UBE3C: variants seen among roughly 807,000 people sequenced by gnomAD.
The protein encoded by UBE3C is ubiquitin protein ligase E3C, also known as ubiquitin-protein ligase E3C.
UBE3C carries 42 observed loss-of-function variants against 129.4 expected under a neutral mutation model. That is an observed-to-expected ratio of 0.32 (90% CI 0.25 to 0.42). The LOEUF is 0.42. Ranked by LOEUF, UBE3C falls within the 10% of genes least tolerant of loss-of-function variation. The probability of loss-of-function intolerance (pLI) is 1.00; values close to 1 mark genes in which losing one functional copy is unlikely to be tolerated. For synonymous variants in UBE3C, 510 were observed against 492.4 expected (o/e 1.04, Z -0.47); for missense variants, 1,049 against 1,319.1 (o/e 0.80, Z 3.17).
At chr7:157,225,218 T>G (rs1182364) in intron 16 of UBE3C, among the ~76,000 whole-genome samples, 189 bp from the exon 17 acceptor site, 1 of 151,932 alleles carries the variant, frequency 6.6e-6, no homozygotes, top group African/African-American at 2.4e-5. Context: ...TTTAGAAATA[T>G]TTAAATATGA....
intron 1 of UBE3C, among the ~76,000 whole-genome samples, chr7:157,162,918 A>G (rs908188367): frequency 1.3e-5 from 2 of 152,082 alleles, no homozygotes; most frequent in African/African-American, 4.8e-5. Context: ...CTGTTTAAGT[A>G]TTTTTCATTT....
chr7:157,233,956 A>G (rs1182441), intron 18 of UBE3C, among the ~76,000 whole-genome samples: 78,537 of 152,102 alleles, frequency 0.52, 23,229 homozygotes, highest in Non-Finnish European at 0.66. Flanking sequence ...AATGTTGACC[A>G]TCTTTTCATG....
intron 18 of UBE3C, among the ~76,000 whole-genome samples, chr7:157,233,813 C>G (rs1796084353): frequency 6.6e-6 from 1 of 152,234 alleles, no homozygotes; most frequent in South Asian, 2.1e-4. Context: ...TACAATCCCA[C>G]CAACAATTTG....
chr7:157,254,403 T>TTTA (rs774416946), intron 21 of UBE3C, 93 bp downstream of exon 21: 32,375 of 625,974 alleles, frequency 0.052, 1,245 homozygotes, highest in African/African-American at 0.2. Context: ...AATTTATTTA[T>TTTA]TTTTTTTTTT....
At chr7:157,224,246 G>A (rs977277898) in intron 16 of UBE3C, among the ~76,000 whole-genome samples, 6 of 151,998 alleles carry the variant, frequency 3.9e-5, no homozygotes, top group Admixed American at 2.0e-4. Context: ...CCAGGCTGGA[G>A]TGCAGAGGCG....
At chr7:157,187,559 TTG>T (rs371191013) in intron 10 of UBE3C, among the ~76,000 whole-genome samples, 2 of 150,860 alleles carry the variant, frequency 1.3e-5, no homozygotes, top group African/African-American at 2.4e-5. Flanking sequence ...TTTTTTGTTT[TTG>T]TGTGTGTGTG....
chr7:157,176,096 A>G (rs985869151), intron 5 of UBE3C, among the ~76,000 whole-genome samples: 1 of 152,182 alleles, frequency 6.6e-6, no homozygotes, highest in African/African-American at 2.4e-5. Flanking sequence ...GTATAAGCAA[A>G]TAATTTTGAT....
chr7:157,171,342 A>G (rs1808361093), intron 4 of UBE3C, among the ~76,000 whole-genome samples: 1 of 151,110 alleles, frequency 6.6e-6, no homozygotes, highest in Non-Finnish European at 1.5e-5. Context: ...TGGCCAGGCT[A>G]GCCTCCAACT....
At chr7:157,233,026 G>A (rs1043042190) in intron 18 of UBE3C, among the ~76,000 whole-genome samples, 4 of 151,896 alleles carry the variant, frequency 2.6e-5, no homozygotes, top group African/African-American at 7.3e-5. Flanking sequence ...AAAAGGAAAC[G>A]CTAGGTAGTC....
chr7:157,162,868 A>G (rs1808109287), intron 1 of UBE3C, among the ~76,000 whole-genome samples: 1 of 152,186 alleles, frequency 6.6e-6, no homozygotes, highest in South Asian at 2.1e-4. Flanking sequence ...AAATGTCCAT[A>G]CACTAAAGAC....
chr7:157,141,988 C>T (rs549172653), intron 1 of UBE3C, among the ~76,000 whole-genome samples: 3 of 152,244 alleles, frequency 2.0e-5, no homozygotes, highest in African/African-American at 4.8e-5. Context: ...ACCGCTGCCA[C>T]AGTTTCCCCG....
chr7:157,139,764 T>A (rs1807378665), intron 1 of UBE3C, among the ~76,000 whole-genome samples: 1 of 152,246 alleles, frequency 6.6e-6, no homozygotes, highest in Non-Finnish European at 1.5e-5. Context: ...AGAAATGCGC[T>A]TTCCATGCTC....
At chr7:157,244,899 C>T (rs932130077) in intron 18 of UBE3C, among the ~76,000 whole-genome samples, 2 of 152,128 alleles carry the variant, frequency 1.3e-5, no homozygotes, top group Non-Finnish European at 2.9e-5. Flanking sequence ...CTTCTAGGAA[C>T]AAGCGTGGTA....
At chr7:157,178,116 C>T (rs531105464) in intron 5 of UBE3C, among the ~76,000 whole-genome samples, 1 of 152,158 alleles carries the variant, frequency 6.6e-6, no homozygotes, top group Admixed American at 6.5e-5. Context: ...GGCAGATGTG[C>T]TCTGTGTCTT....
chr7:157,192,609 G>A (rs1563049956), intron 10 of UBE3C: 1 of 765,322 alleles, frequency 1.3e-6, no homozygotes, highest in Non-Finnish European at 2.4e-6. Context: ...GAAAAGGAAG[G>A]AGTCTTACCC....
At chr7:157,152,602 G>C (rs1807787551) in intron 1 of UBE3C, among the ~76,000 whole-genome samples, 1 of 152,196 alleles carries the variant, frequency 6.6e-6, no homozygotes, top group African/African-American at 2.4e-5. Context: ...CTCGACTTCT[G>C]ATATGTGAGG....
chr7:157,162,455 A>G (rs1279098911), intron 1 of UBE3C, among the ~76,000 whole-genome samples: 1 of 152,018 alleles, frequency 6.6e-6, no homozygotes, highest in Non-Finnish European at 1.5e-5. Flanking sequence ...GGCCTCCCAA[A>G]GTGCTGGGAT....
chr7:157,192,461 G>C (rs1808995682), intron 10 of UBE3C: 1 of 749,760 alleles, frequency 1.3e-6, no homozygotes, highest in Non-Finnish European at 2.5e-6. Context: ...CAAGATCCAG[G>C]ATAAGGAAGG....
chr7:157,150,583 G>A (rs1002905280), intron 1 of UBE3C, among the ~76,000 whole-genome samples: 2 of 152,232 alleles, frequency 1.3e-5, no homozygotes, highest in South Asian at 2.1e-4. Context: ...TTAAATAACC[G>A]TTAATATAAC....
Sources: allele counts gnomAD v4.1 joint callset (sites outside exome capture counted in the v4.1 genomes callset), GRCh38; gene constraint gnomAD v4.1.1; transcripts MANE v1.5; gene names NCBI Gene and HGNC (gene_info 2026-07-23, HGNC 2026-07-21).